ASCC3: variants seen among roughly 807,000 people sequenced by gnomAD.
ASCC3 encodes the protein activating signal cointegrator 1 complex subunit 3.
Under a neutral mutation model 256.3 loss-of-function variants are expected in ASCC3, and 158 were observed. The observed-to-expected ratio is 0.62, with a 90% CI of 0.54 to 0.70. The LOEUF is 0.70. ASCC3 is among the 30% of genes least tolerant of loss of function. The pLI is 0.00. For synonymous variants in ASCC3, 948 were observed against 883.4 expected, an observed-to-expected ratio of 1.07 and a Z score of -1.30; for missense variants, 2,259 against 2,626.0, an observed-to-expected ratio of 0.86 and a Z score of 3.05.
At chr6:100,694,791 TA>T (rs1778005813) in intron 13 of ASCC3, among the ~76,000 whole-genome samples, 2 of 151,962 alleles carry the variant, frequency 1.3e-5, no homozygotes, top group Admixed American at 6.6e-5. Flanking sequence ...TATAAATTAA[TA>T]AATAGGGGAA....
chr6:100,803,509 T>C (rs1345336631), intron 5 of ASCC3, among the ~76,000 whole-genome samples: 1 of 152,156 alleles, frequency 6.6e-6, no homozygotes, highest in Non-Finnish European at 1.5e-5. Flanking sequence ...GTGAGCCAAT[T>C]GAACCTCCTT....
At chr6:100,578,296 C>T (rs1264147590) in intron 36 of ASCC3, among the ~76,000 whole-genome samples, 1 of 152,002 alleles carries the variant, frequency 6.6e-6, no homozygotes, top group Non-Finnish European at 1.5e-5. Context: ...TTCAGGGGTA[C>T]ATGACCAAGT....
intron 36 of ASCC3, among the ~76,000 whole-genome samples, chr6:100,565,682 G>C (rs1156688447): frequency 6.6e-6 from 1 of 152,078 alleles, no homozygotes; most frequent in East Asian, 1.9e-4. Context: ...GGGGAGAGAG[G>C]ACGAAGGGAA....
At chr6:100,669,880 C>A (rs1436704096) in intron 14 of ASCC3, among the ~76,000 whole-genome samples, 2 of 151,456 alleles carry the variant, frequency 1.3e-5, no homozygotes, top group Non-Finnish European at 3.0e-5. Context: ...TCAGAAACAT[C>A]AAGTATTTAA....
In ASCC3 at chr6:100,609,496, C is replaced by T. The variant is rs76938177; in HGVS notation, c.4786-2408G>A. 0.012 allele frequency among the ~76,000 whole-genome samples: 1,834 copies of T among 150,762 alleles called. 85 individuals carry two copies. The East Asian group carries it at 0.15, about 12-fold the overall frequency. ...GTTTTTGAAACTCATGTTGTAGAAA[C>T]GCTCTCTGAATATTCTATCACTTTC... is the stretch of plus-strand genomic sequence containing the variant. On this transcript the variant is annotated intron_variant, in intron 30 of 41. Transcript: ENST00000369162.
At chr6:100,812,555 A>G (rs1314539835) in intron 4 of ASCC3, among the ~76,000 whole-genome samples, 3 of 152,200 alleles carry the variant, frequency 2.0e-5, no homozygotes, top group Non-Finnish European at 4.4e-5. Flanking sequence ...AATATTAACT[A>G]GAAGGATTCA....
intron 10 of ASCC3, among the ~76,000 whole-genome samples, chr6:100,763,216 T>C (rs771760733): frequency 6.6e-6 from 1 of 152,138 alleles, no homozygotes; most frequent in Non-Finnish European, 1.5e-5. Context: ...GTGAGAAGGG[T>C]AGAAGAACAG....
chr6:100,641,513 T>A (rs1775118169), intron 24 of ASCC3, among the ~76,000 whole-genome samples: 1 of 152,212 alleles, frequency 6.6e-6, no homozygotes, highest in South Asian at 2.1e-4. Context: ...GAAGTGTCTG[T>A]TCATATCCTT....
Position 100,853,802 on chromosome 6 carries a change from C to T in ASCC3, c.242-5095G>A, listed in dbSNP as rs1232303077. Among the ~76,000 whole-genome samples, 4 of 152,234 alleles carry T rather than the reference C, an allele frequency of 2.6e-5. No individual in the cohort carries two copies. The South Asian group carries it at 6.2e-4, about 24-fold the overall frequency. On this transcript the variant is annotated intron_variant, in intron 3 of 41. Transcript: ENST00000369162. Reference sequence around the variant, plus strand: ...TTAGAAGTTGTCAACAAATGAGTTCCCTGACCTGTTAAATCCTCAGAGATT... The same window carrying T: ...TTAGAAGTTGTCAACAAATGAGTTCTCTGACCTGTTAAATCCTCAGAGATT...
intron 4 of ASCC3, among the ~76,000 whole-genome samples, chr6:100,823,404 A>G (rs1300814124): frequency 6.6e-6 from 1 of 152,208 alleles, no homozygotes; most frequent in African/African-American, 2.4e-5. Flanking sequence ...GACTTCTACT[A>G]AAGAGATTTT....
At chr6:100,801,543 T>G (rs1165509555) in intron 5 of ASCC3, among the ~76,000 whole-genome samples, 1 of 152,076 alleles carries the variant, frequency 6.6e-6, no homozygotes, top group East Asian at 1.9e-4. Flanking sequence ...CATTACATAA[T>G]TCTGAATACA....
intron 9 of ASCC3, 32 bp downstream of exon 9, chr6:100,767,113 T>A (rs1361971791): frequency 6.3e-7 from 1 of 1,597,178 alleles, no homozygotes; most frequent in South Asian, 1.1e-5. Flanking sequence ...TCCTTACAAT[T>A]TAAAAAGCTG....
At chr6:100,530,962 T>C in intron 37 of ASCC3, 2 of 1,518,290 alleles carry the variant, frequency 1.3e-6, no homozygotes, top group Non-Finnish European at 1.8e-6. Flanking sequence ...ACGTGTCTAA[T>C]TATGATGAAG....
intron 4 of ASCC3, among the ~76,000 whole-genome samples, chr6:100,825,900 T>A (rs1045143002): frequency 1.3e-5 from 2 of 151,862 alleles, no homozygotes; most frequent in African/African-American, 4.8e-5. Flanking sequence ...GACTCGGCTA[T>A]TGATACTTGT....
At chr6:100,523,525 G>C (rs1380607664) in intron 37 of ASCC3, among the ~76,000 whole-genome samples, 1 of 152,122 alleles carries the variant, frequency 6.6e-6, no homozygotes, top group Non-Finnish European at 1.5e-5. Flanking sequence ...GGCTTCCGCT[G>C]GTCTCCTCTA....
intron 13 of ASCC3, among the ~76,000 whole-genome samples, chr6:100,692,365 T>G (rs1481597751): frequency 6.6e-6 from 1 of 152,070 alleles, no homozygotes; most frequent in Non-Finnish European, 1.5e-5. Flanking sequence ...TGAAGAAATT[T>G]TTTTAAAAAT....
chr6:100,723,894 A>ATATT (rs1554220133), intron 11 of ASCC3, among the ~76,000 whole-genome samples: 18 of 109,268 alleles, frequency 1.6e-4, no homozygotes, highest in Non-Finnish European at 3.1e-4. Context: ...ATATATATAT[A>ATATT]TATTTATAAT....
At chr6:100,678,251 T>A (rs1239091454) in intron 14 of ASCC3, among the ~76,000 whole-genome samples, 1 of 152,136 alleles carries the variant, frequency 6.6e-6, no homozygotes, top group Non-Finnish European at 1.5e-5. Context: ...TCTCAAGGCT[T>A]GTCTTTTAAA....
intron 4 of ASCC3, among the ~76,000 whole-genome samples, chr6:100,842,378 A>G (rs1772184880): frequency 6.6e-6 from 1 of 152,108 alleles, no homozygotes; most frequent in South Asian, 2.1e-4. Flanking sequence ...TGAGGTGAAA[A>G]TTGTTTTCAT....
Sources: allele counts gnomAD v4.1 joint callset (sites outside exome capture counted in the v4.1 genomes callset), GRCh38; gene constraint gnomAD v4.1.1; transcripts MANE v1.5; gene names NCBI Gene and HGNC (gene_info 2026-07-23, HGNC 2026-07-21).